GABRA2: variants seen among roughly 807,000 people sequenced by gnomAD.
GABRA2 encodes gamma-aminobutyric acid type A receptor subunit alpha2, also known as gamma-aminobutyric acid receptor subunit alpha-2.
In GABRA2, 16 loss-of-function variants were observed where a neutral mutation model predicts 48.7. That is an observed-to-expected ratio of 0.33 (90% CI 0.22 to 0.50). The LOEUF (loss-of-function observed/expected upper bound fraction) is 0.50, where lower values mean the gene tolerates loss of function less well. Ranked by LOEUF, GABRA2 falls within the 20% of genes least tolerant of loss-of-function variation. The pLI, the probability that GABRA2 is intolerant of heterozygous loss-of-function variation, is 0.98. For missense variants in GABRA2, 275 were observed against 535.6 expected (o/e 0.51, Z 4.80); for synonymous variants, 185 against 184.5 (o/e 1.00, Z -0.02).
intron 7 of GABRA2, among the ~76,000 whole-genome samples, chr4:46,304,837 A>T (rs1434363312): frequency 6.7e-6 from 1 of 150,104 alleles, no homozygotes; most frequent in East Asian, 2.0e-4. Flanking sequence ...GAGGCAGGAG[A>T]TCACTTGAAC....
intron 3 of GABRA2, chr4:46,366,859 C>T (rs1714120000): frequency 6.6e-6 from 1 of 152,018 alleles, no homozygotes; most frequent in Admixed American, 6.6e-5. Context: ...TAGGCTTATG[C>T]TTTTCAGGCT....
At chr4:46,385,078 CAT>C (rs36113226) in intron 3 of GABRA2, among the ~76,000 whole-genome samples, 22,946 of 142,788 alleles carry the variant, frequency 0.16, 1,667 homozygotes, top group South Asian at 0.2. Context: ...AATTGCCTAA[CAT>C]ATATATATAT....
Position 46,245,693 on chromosome 4 carries a change from T to G in GABRA2, c.*4615A>C, listed in dbSNP as rs947181172. Among the ~76,000 whole-genome samples, 3 of 151,114 alleles carry G rather than the reference T, an allele frequency of 2.0e-5. No individual in the cohort carries two copies. The Admixed American group carries it at 2.0e-4, about 10-fold the overall frequency. On this transcript the variant is annotated 3_prime_UTR_variant, in exon 10 of 10. Transcript: ENST00000381620. The stretch of plus-strand genomic sequence containing the variant: ...CATTATTCCATACATACCTAGGAAT[T>G]ACACACATACACACTCGCAAACATA...
At chr4:46,323,591 A>G (rs1460699414) in intron 4 of GABRA2, among the ~76,000 whole-genome samples, 1 of 151,914 alleles carries the variant, frequency 6.6e-6, no homozygotes, top group African/African-American at 2.4e-5. Flanking sequence ...TCAGTTCCTA[A>G]CAGGGTGAGA....
chr4:46,286,037 T>C (rs1722486418), intron 8 of GABRA2, among the ~76,000 whole-genome samples: 1 of 152,068 alleles, frequency 6.6e-6, no homozygotes, highest in South Asian at 2.1e-4. Flanking sequence ...GCAACCACTG[T>C]CTTTCTCTAG....
At position 46,305,605 on chromosome 4, in the gene GABRA2, G is replaced by T. The variant is rs759364164; in HGVS notation, c.666C>A (p.Gly222=). The T allele has an allele frequency of 1.2e-6, 2 of 1,613,762 alleles. No individual in the cohort carries two copies. The highest frequency in any genetic ancestry group is 1.7e-6 in the Non-Finnish European group (2 of 1,179,882). ...TAATTGTCTCCTTTCCGATTGATTG[G>T]CCCAGCAGGTCATATTGATTTAACC... The part of the protein sequence containing the change: ...GSRLNQYDLL[G]QSIGKETIKS... Residue 222 remains glycine, a synonymous_variant, in exon 7 of 10, where the codon GGC becomes GGA. Transcript: ENST00000381620.
chr4:46,371,403 G>C (rs1488373751), intron 3 of GABRA2, among the ~76,000 whole-genome samples: 1 of 151,978 alleles, frequency 6.6e-6, no homozygotes, highest in South Asian at 2.1e-4. Context: ...ACCAAATTCA[G>C]ATTTAAATTA....
chr4:46,380,817 T>C (rs938203308), intron 3 of GABRA2, among the ~76,000 whole-genome samples: 1 of 152,184 alleles, frequency 6.6e-6, no homozygotes, highest in Non-Finnish European at 1.5e-5. Context: ...GTAGCCTCTA[T>C]TTCATTTTTT....
chr4:46,331,618 CTGAT>C (rs1731378537), intron 4 of GABRA2, among the ~76,000 whole-genome samples: 2 of 152,238 alleles, frequency 1.3e-5, no homozygotes, highest in East Asian at 3.9e-4. Context: ...AAGTGAAGGA[CTGAT>C]TATTAAATTT....
intron 3 of GABRA2, among the ~76,000 whole-genome samples, chr4:46,356,457 T>C (rs1462545635): frequency 6.8e-6 from 1 of 146,976 alleles, no homozygotes; most frequent in African/African-American, 2.5e-5. Context: ...AAAAAGCCAC[T>C]GTTTTACAGC....
chr4:46,274,156 A>G (rs756491242), intron 8 of GABRA2, among the ~76,000 whole-genome samples: 2 of 152,214 alleles, frequency 1.3e-5, no homozygotes, highest in Non-Finnish European at 1.5e-5. Flanking sequence ...TGTGTAGCTC[A>G]TATAACAACC....
At chr4:46,251,040 C>T (rs918210613) in intron 9 of GABRA2, among the ~76,000 whole-genome samples, 1 of 151,528 alleles carries the variant, frequency 6.6e-6, no homozygotes, top group South Asian at 2.1e-4. Context: ...CCTCCCACCT[C>T]ACGTCAAAGT....
In GABRA2 at chr4:46,312,520, T is replaced by C. The variant is rs1727821774; in HGVS notation, c.452A>G (p.Asp151Gly). Residue 151 changes from aspartate (D) to glycine (G), a missense_variant, in exon 5 of 10, where the codon GAT (aspartate) becomes GGT (glycine). By Grantham distance (94) the Asp-to-Gly change is moderately conservative (BLOSUM62 -1). Around this residue, in one of 4 missense-constraint regions of GABRA2, gnomAD observed 113 missense variants for 257.1 expected, o/e 0.44. Transcript: ENST00000381620. ...MPNKLLRIQD[D>G]GTLLYTMRLT... is the part of the protein sequence containing the mutation. ...CCTCATGGTATACAGCAGAGTCCCA[T>C]CATCCTGAATTCGAAGCAACTTATT... 6.2e-7 allele frequency: 1 copy of C among 1,607,590 alleles called. No homozygotes were observed. Among genetic ancestry groups the C allele is most frequent in the African/African-American group, 1.3e-5 (1 of 74,660 alleles).
chr4:46,294,232 C>T (rs374510054), intron 8 of GABRA2, among the ~76,000 whole-genome samples: 4 of 152,198 alleles, frequency 2.6e-5, no homozygotes, highest in East Asian at 3.8e-4. Context: ...CTGATTGCAA[C>T]CAGCAACCAA....
chr4:46,257,792 T>G (rs1189413506), intron 9 of GABRA2, among the ~76,000 whole-genome samples: 1 of 151,320 alleles, frequency 6.6e-6, no homozygotes, highest in Admixed American at 6.6e-5. Context: ...CTATAAAAAG[T>G]ATGAGAGATG....
In GABRA2 at chr4:46,332,600, T is replaced by C; in HGVS notation, c.255+15A>G. On this transcript the variant is annotated intron_variant, in intron 4 of 9. Transcript: ENST00000381620. ...CATTATGTGAAGTAAAAATACTATT[T>C]AATGAAAAACTCACCATATCTGTAT... The C allele has an allele frequency of 5.3e-6, 8 of 1,509,802 alleles. No homozygotes were observed. The highest frequency in any genetic ancestry group is 6.4e-6 in the Non-Finnish European group (7 of 1,087,172). The allele number at this position is 1,509,802 out of a possible 1,614,324, so 93.5% of individuals were successfully genotyped here. A position where few individuals can be genotyped will look rare whatever the true frequency, so the allele number is the denominator to read the frequency against.
intron 3 of GABRA2, among the ~76,000 whole-genome samples, chr4:46,336,203 T>A (rs1358361942): frequency 2.0e-5 from 3 of 152,176 alleles, no homozygotes; most frequent in East Asian, 1.9e-4. Flanking sequence ...AGAATATCGA[T>A]CTTTTTCCAA....
chr4:46,328,271 A>AGTGTGTGTGTGT (rs71193862), intron 4 of GABRA2, among the ~76,000 whole-genome samples: 2 of 128,612 alleles, frequency 1.6e-5, no homozygotes, highest in East Asian at 5.0e-4. Context: ...AAGATAGCAG[A>AGTGTGTGTGTGT]GTGTGTGTGT....
chr4:46,251,745 A>G (rs1418201658), intron 9 of GABRA2, among the ~76,000 whole-genome samples: 2 of 151,456 alleles, frequency 1.3e-5, no homozygotes, highest in East Asian at 3.9e-4. Flanking sequence ...TTTCTTAGTC[A>G]TGTGATTATT....
Sources: allele counts gnomAD v4.1 joint callset (sites outside exome capture counted in the v4.1 genomes callset), GRCh38; gene constraint gnomAD v4.1.1; regional missense constraint gnomAD v4.1.1; transcripts MANE v1.5; gene names NCBI Gene and HGNC (gene_info 2026-07-23, HGNC 2026-07-21).